Variants in CHN2 observed in about 807,000 individuals in gnomAD.
The protein encoded by CHN2 is chimerin 2.
A neutral mutation model predicts 56.3 loss-of-function variants in CHN2; 35 were observed. The observed-to-expected ratio is 0.62, with a 90% CI of 0.47 to 0.82. The LOEUF is 0.82. Among genes scored for constraint, CHN2 ranks in the 40% least tolerant of loss-of-function variants. The pLI is 0.00. For synonymous variants in CHN2, 210 were observed against 212.8 expected (o/e 0.99, Z 0.12); for missense variants, 491 against 580.5 (o/e 0.85, Z 1.58).
chr7:29,395,536 A>G (rs542241199), intron 4 of CHN2, among the ~76,000 whole-genome samples: 1 of 152,306 alleles, frequency 6.6e-6, no homozygotes, highest in East Asian at 1.9e-4. Context: ...ATTAATACCA[A>G]TTAACTTGGA....
intron 4 of CHN2, among the ~76,000 whole-genome samples, chr7:29,394,048 G>C (rs1276573388): frequency 1.3e-5 from 2 of 152,106 alleles, no homozygotes; most frequent in East Asian, 3.9e-4. Context: ...CAACACAATA[G>C]AAACGTTTGG....
intron 1 of CHN2, among the ~76,000 whole-genome samples, chr7:29,330,600 AAAAAC>A (rs1796140712): frequency 1.3e-5 from 2 of 152,226 alleles, no homozygotes; most frequent in African/African-American, 4.8e-5. Flanking sequence ...TGTGTTTTAG[AAAAAC>A]AAAGTAATAA....
chr7:29,388,922 A>C lies in CHN2; in HGVS notation c.145-4757A>C, dbSNP rs541891536. Among the ~76,000 whole-genome samples, 19 of 152,340 alleles carry C rather than the reference A, an allele frequency of 1.2e-4. No homozygotes were observed. The South Asian group carries it at 3.9e-3, about 32-fold the overall frequency. ...AGTGCTAACAATTTAATTATACTTG[A>C]GATGTAACTATAAAGTCATAACATG... is the stretch of plus-strand genomic sequence containing the variant. On this transcript the variant is annotated intron_variant, in intron 3 of 12. Coordinates refer to ENST00000222792, the MANE Select transcript of CHN2 (RefSeq NM_004067.4).
At chr7:29,221,904 T>C (rs1472816070) in intron 1 of CHN2, among the ~76,000 whole-genome samples, 1 of 152,212 alleles carries the variant, frequency 6.6e-6, no homozygotes, top group Non-Finnish European at 1.5e-5. Flanking sequence ...CTGTTGTGAA[T>C]AGTGCTGCAG....
At chr7:29,254,267 A>G (rs73074572) in intron 1 of CHN2, among the ~76,000 whole-genome samples, 15,653 of 152,262 alleles carry the variant, frequency 0.1, 844 homozygotes, top group Middle Eastern at 0.16. Flanking sequence ...TATGTGTACC[A>G]TGGTCATCTC....
At chr7:29,249,851 C>T (rs1220155897) in intron 1 of CHN2, among the ~76,000 whole-genome samples, 6 of 152,258 alleles carry the variant, frequency 3.9e-5, no homozygotes, top group East Asian at 3.9e-4. Flanking sequence ...GGAATGGTAG[C>T]GACATGAATA....
intron 7 of CHN2, among the ~76,000 whole-genome samples, chr7:29,485,494 ATCCTG>A (rs1445810499): frequency 1.3e-5 from 2 of 152,176 alleles, no homozygotes; most frequent in African/African-American, 4.8e-5. Context: ...AGTGCTGGAG[ATCCTG>A]TGTAAGAGAC....
chr7:29,281,271 CT>C (rs55948663), intron 1 of CHN2, among the ~76,000 whole-genome samples: 29,952 of 151,996 alleles, frequency 0.2, 3,522 homozygotes, highest in Non-Finnish European at 0.26. Context: ...CTTTTTTCCT[CT>C]TTTTTTTGTT....
chr7:29,190,000 C>G (rs1344830071), upstream of CHN2, among the ~76,000 whole-genome samples: 1 of 152,210 alleles, frequency 6.6e-6, no homozygotes, highest in Non-Finnish European at 1.5e-5. Flanking sequence ...GAGGCAGGGC[C>G]GCTACCTGCG....
chr7:29,318,723 C>T lies in CHN2; in HGVS notation c.50-35902C>T, dbSNP rs1200336401. On this transcript the variant is annotated intron_variant, in intron 1 of 12. Coordinates refer to ENST00000222792, the MANE Select transcript of CHN2 (RefSeq NM_004067.4). ...AAGAAACTTGTACTAGTTCAGTGAA[C>T]CACCTTGTATCTAATTTATAAACCT... Among the ~76,000 whole-genome samples the T allele has an allele frequency of 2.6e-5, 4 of 152,214 alleles. No individual in the cohort carries two copies. The East Asian group carries it at 5.8e-4, about 22-fold the overall frequency.
chr7:29,476,997 A>G (rs1184789310), intron 6 of CHN2, among the ~76,000 whole-genome samples: 1 of 152,252 alleles, frequency 6.6e-6, no homozygotes, highest in Non-Finnish European at 1.5e-5. Flanking sequence ...CCTTGTGTAT[A>G]GAGAACACTA....
intron 1 of CHN2, chr7:29,195,367 G>T (rs1033468082): frequency 8.6e-6 from 2 of 233,650 alleles, no homozygotes; most frequent in Non-Finnish European, 1.6e-5. Context: ...CCTGTTTGCC[G>T]TGCCGCGCCC....
At position 29,475,277 on chromosome 7, in the gene CHN2, T is replaced by C. The variant is rs771320847; in HGVS notation, c.577-5002T>C. Among the ~76,000 whole-genome samples, 7 of 152,200 alleles carry C rather than the reference T, an allele frequency of 4.6e-5. No individual in the cohort carries two copies. The South Asian group carries it at 1.4e-3, about 32-fold the overall frequency. On this transcript the variant is annotated intron_variant, in intron 6 of 12. Coordinates refer to ENST00000222792, the MANE Select transcript of CHN2 (RefSeq NM_004067.4). ...GAAGTGGTGAGCTTATGTCACCATT[T>C]ATTTATAGCCCCACCTACTTCCAGA...
intron 2 of CHN2, among the ~76,000 whole-genome samples, chr7:29,363,371 G>A (rs1040022099): frequency 6.6e-6 from 1 of 152,204 alleles, no homozygotes; most frequent in South Asian, 2.1e-4. Flanking sequence ...TGTAGTCCCA[G>A]CTACTCGGGA....
intron 2 of CHN2, among the ~76,000 whole-genome samples, chr7:29,179,295 C>T (rs1022726277): frequency 3.3e-5 from 5 of 152,194 alleles, no homozygotes; most frequent in African/African-American, 1.2e-4. Flanking sequence ...CATCCCACGC[C>T]AAGTCATGAG....
chr7:29,295,017 G>A, intron 1 of CHN2, among the ~76,000 whole-genome samples: 1 of 152,094 alleles, frequency 6.6e-6, no homozygotes, highest in Non-Finnish European at 1.5e-5. Flanking sequence ...AAGATCCATG[G>A]ATGCTCAAGT....
At chr7:29,491,821 T>C (rs1788697187) in intron 7 of CHN2, among the ~76,000 whole-genome samples, 1 of 152,224 alleles carries the variant, frequency 6.6e-6, no homozygotes, top group Non-Finnish European at 1.5e-5. Flanking sequence ...CTTCTTACAT[T>C]TCCCAAATTA....
Position 29,512,540 on chromosome 7 carries a change from CTGTTCTATA to C in CHN2, c.1236-19_1236-11del, listed in dbSNP as rs1791608695. On this transcript the variant is annotated splice_polypyrimidine_tract_variant and intron_variant, in intron 12 of 12. Transcript: ENST00000222792. ...CAATCCTCAAGTCTCCATAATGTCT[CTGTTCTATA>C]TGTTTGTTTTGCAGGGTTACTATGA... 1 of 1,589,616 alleles carries C rather than the reference CTGTTCTATA, an allele frequency of 6.3e-7. No individual in the cohort carries two copies. The highest frequency in any genetic ancestry group is 2.2e-5 in the East Asian group (1 of 44,582).
intron 1 of CHN2, among the ~76,000 whole-genome samples, chr7:29,338,583 T>C (rs1016952192): frequency 6.6e-6 from 1 of 152,164 alleles, no homozygotes; most frequent in Admixed American, 6.5e-5. Flanking sequence ...GTGAGTTTTT[T>C]GTTTGTTTGT....
Sources: allele counts gnomAD v4.1 joint callset (sites outside exome capture counted in the v4.1 genomes callset), GRCh38; gene constraint gnomAD v4.1.1; transcripts MANE v1.5; gene names NCBI Gene and HGNC (gene_info 2026-07-23, HGNC 2026-07-21).